Variants in CHCHD6 observed in about 807,000 individuals in gnomAD.
The protein encoded by CHCHD6 is MICOS complex subunit MIC25.
A neutral mutation model predicts 32.3 loss-of-function variants in CHCHD6; 28 were observed. The ratio of observed to expected loss-of-function variants is 0.87; its 90% CI spans 0.64 to 1.19. The LOEUF is 1.19. Ranked by LOEUF, CHCHD6 falls within the 50% of genes most tolerant of loss-of-function variation. The pLI is 0.00. For missense variants in CHCHD6, 333 were observed against 307.0 expected, an observed-to-expected ratio of 1.08 and a Z score of -0.63; for synonymous variants, 122 against 117.5, an observed-to-expected ratio of 1.04 and a Z score of -0.25.
chr3:126,885,105 C>T (rs2077661648), intron 5 of CHCHD6, among the ~76,000 whole-genome samples: 1 of 152,160 alleles, frequency 6.6e-6, no homozygotes, highest in Non-Finnish European at 1.5e-5. Context: ...ACTCCCAGGC[C>T]CAGTGCTGTG....
At chr3:126,865,305 C>T (rs1372040053) in intron 5 of CHCHD6, among the ~76,000 whole-genome samples, 2 of 151,780 alleles carry the variant, frequency 1.3e-5, no homozygotes, top group Non-Finnish European at 2.9e-5. Flanking sequence ...CCATTACCAA[C>T]TACACCTCTA....
At chr3:126,721,335 TGTGCCTCTTCCCCG>T (rs1484852774) in intron 1 of CHCHD6, among the ~76,000 whole-genome samples, 1 of 152,232 alleles carries the variant, frequency 6.6e-6, no homozygotes, top group Non-Finnish European at 1.5e-5. Flanking sequence ...TCTTCCTGTC[TGTGCCTCTTCCCCG>T]GTGCCCTGCC....
chr3:126,924,708 A>C (rs2078298592), intron 6 of CHCHD6, among the ~76,000 whole-genome samples: 1 of 152,212 alleles, frequency 6.6e-6, no homozygotes, highest in African/African-American at 2.4e-5. Flanking sequence ...TGTGGTTTTG[A>C]AATGTCCTTT....
chr3:126,944,172 G>A (rs2078602094), intron 6 of CHCHD6, among the ~76,000 whole-genome samples: 2 of 152,258 alleles, frequency 1.3e-5, no homozygotes, highest in Non-Finnish European at 2.9e-5. Flanking sequence ...AGGAATAGAA[G>A]CTAAGAGAAG....
intron 6 of CHCHD6, among the ~76,000 whole-genome samples, chr3:126,927,561 A>G (rs1001752227): frequency 6.6e-6 from 1 of 152,154 alleles, no homozygotes; most frequent in African/African-American, 2.4e-5. Flanking sequence ...GGGCTTAGAG[A>G]CTACAATTTA....
Position 126,831,347 on chromosome 3 carries a change from C to T in CHCHD6, c.412-21300C>T, listed in dbSNP as rs1007408786. Among the ~76,000 whole-genome samples the T allele has an allele frequency of 7.2e-5, 11 of 152,128 alleles. No homozygotes were observed. In the East Asian group the frequency reaches 7.7e-4, roughly 11 times the overall value. On this transcript the variant is annotated intron_variant, in intron 4 of 7. Transcript: ENST00000290913. Reference sequence around the variant, plus strand: ...GCCAGCCCTGCCAGCCTTTAACTAGCGTGCTGCCTCCTCTCCAGGCCTCAC... The same window carrying T: ...GCCAGCCCTGCCAGCCTTTAACTAGTGTGCTGCCTCCTCTCCAGGCCTCAC...
chr3:126,779,535 C>CAAAAAAAAAAAAA (rs11288509), intron 4 of CHCHD6, among the ~76,000 whole-genome samples: 2 of 78,098 alleles, frequency 2.6e-5, no homozygotes, highest in Non-Finnish European at 4.8e-5. Context: ...GACTCCATCT[C>CAAAAAAAAAAAAA]AAAAAAAAAA....
chr3:126,785,428 T>A (rs987958982), intron 4 of CHCHD6, among the ~76,000 whole-genome samples: 2 of 152,216 alleles, frequency 1.3e-5, no homozygotes, highest in African/African-American at 4.8e-5. Flanking sequence ...TTTTATCTTC[T>A]AGCTCTCAGA....
chr3:126,899,181 ATGT>A (rs2077884826), intron 5 of CHCHD6, among the ~76,000 whole-genome samples: 1 of 152,218 alleles, frequency 6.6e-6, no homozygotes, highest in Non-Finnish European at 1.5e-5. Flanking sequence ...AGGTGGCTAA[ATGT>A]TGAGATGCCT....
At chr3:126,752,845 T>A (rs528287756) in intron 4 of CHCHD6, among the ~76,000 whole-genome samples, 1 of 152,088 alleles carries the variant, frequency 6.6e-6, no homozygotes, top group African/African-American at 2.4e-5. Context: ...GAAGGAGCAG[T>A]TGGGATTAGA....
At chr3:126,917,288 G>A (rs562862295) in intron 6 of CHCHD6, among the ~76,000 whole-genome samples, 24 of 152,344 alleles carry the variant, frequency 1.6e-4, no homozygotes, top group African/African-American at 5.8e-4. Context: ...AGGCTGGAGA[G>A]GTCGAATAAC....
At chr3:126,745,126 A>G (rs539578466) in intron 4 of CHCHD6, among the ~76,000 whole-genome samples, 2 of 152,282 alleles carry the variant, frequency 1.3e-5, no homozygotes, top group South Asian at 2.1e-4. Flanking sequence ...TCTAGCTGCA[A>G]AAGGGGGGCT....
intron 6 of CHCHD6, among the ~76,000 whole-genome samples, chr3:126,923,129 G>A (rs1334945021): frequency 6.6e-6 from 1 of 152,154 alleles, no homozygotes; most frequent in East Asian, 1.9e-4. Flanking sequence ...CAGCCATGTG[G>A]GGTTGGCATC....
intron 6 of CHCHD6, among the ~76,000 whole-genome samples, chr3:126,934,602 G>A (rs192034474): frequency 3.1e-5 from 4 of 130,946 alleles, no homozygotes; most frequent in African/African-American, 5.6e-5. Context: ...AGGCTGGAGT[G>A]CAGTGGCACA....
At position 126,706,049 on chromosome 3, in the gene CHCHD6, G is replaced by T. The variant is rs74425942; in HGVS notation, c.87+1650G>T. On this transcript the variant is annotated intron_variant, in intron 1 of 7. Transcript: ENST00000290913. ...AGGAGATGGCTTGTGTTGGAAGGCC[G>T]AGAGGGAGGAACCTGAATTGGAATT... 6.0e-3 allele frequency among the ~76,000 whole-genome samples: 916 copies of T among 152,282 alleles called. 24 individuals carry two copies. The highest frequency in any genetic ancestry group is 0.048 in the Admixed American group (735 of 15,286).
intron 4 of CHCHD6, among the ~76,000 whole-genome samples, chr3:126,748,060 G>C (rs1339468863): frequency 6.6e-6 from 1 of 151,990 alleles, no homozygotes; most frequent in Non-Finnish European, 1.5e-5. Context: ...CCTCTTAAAA[G>C]GGGCCTCTCT....
intron 6 of CHCHD6, among the ~76,000 whole-genome samples, chr3:126,933,506 G>A (rs2078435538): frequency 6.6e-6 from 1 of 152,152 alleles, no homozygotes; most frequent in Non-Finnish European, 1.5e-5. Context: ...TCAGCTTCTG[G>A]GGAGGCCTCA....
rs75874493 is a variant in CHCHD6, at chr3:126,726,094, A to G, written c.88-984A>G. 5.9e-5 allele frequency among the ~76,000 whole-genome samples: 9 copies of G among 152,364 alleles called. No individual in the cohort carries two copies. The East Asian group carries it at 1.2e-3, about 20-fold the overall frequency. On this transcript the variant is annotated intron_variant, in intron 1 of 7. Coordinates refer to ENST00000290913, the MANE Select transcript of CHCHD6 (RefSeq NM_032343.3). ...GTGCAACAGGCCTAGCTCTCGGCCT[A>G]TCTTAGCTTTCGACATGCCTTCCTC...
At chr3:126,803,473 A>G (rs1939189031) in intron 4 of CHCHD6, among the ~76,000 whole-genome samples, 1 of 152,214 alleles carries the variant, frequency 6.6e-6, no homozygotes, top group Admixed American at 6.5e-5. Context: ...AAAGAAGGCC[A>G]TTACATAGTG....
Sources: gnomAD v4.1 joint callset for allele counts (sites outside exome capture counted in the v4.1 genomes callset) on GRCh38, gnomAD v4.1.1 for gene constraint, MANE v1.5 for transcripts, NCBI Gene and HGNC (gene_info 2026-07-23, HGNC 2026-07-21) for gene names.